The following CREB5 variants were observed in gnomAD, a reference collection of about 807,000 sequenced individuals.
CREB5 encodes the protein cyclic AMP-responsive element-binding protein 5.
A neutral mutation model predicts 57.1 loss-of-function variants in CREB5; 19 were observed. The observed-to-expected ratio is 0.33, with a 90% CI of 0.23 to 0.49. The LOEUF is 0.49. Among genes scored for constraint, CREB5 ranks in the 20% least tolerant of loss-of-function variants. CREB5 has a pLI of 0.99. For missense variants in CREB5, 579 were observed against 671.6 expected (o/e 0.86, Z 1.52); for synonymous variants, 238 against 238.3 (o/e 1.00, Z 0.01).
chr7:28,681,685 A>G (rs1418003258), intron 5 of CREB5, among the ~76,000 whole-genome samples: 3 of 152,222 alleles, frequency 2.0e-5, no homozygotes, highest in Non-Finnish European at 4.4e-5. Flanking sequence ...TATTGCTGGG[A>G]TACAATCTGC....
intron 1 of CREB5, among the ~76,000 whole-genome samples, chr7:28,348,923 C>G (rs1562668681): frequency 6.6e-6 from 1 of 152,236 alleles, no homozygotes; most frequent in Non-Finnish European, 1.5e-5. Flanking sequence ...ATAACCAACC[C>G]TGATTTTGGC....
intron 1 of CREB5, among the ~76,000 whole-genome samples, chr7:28,414,124 A>C (rs1290688484): frequency 6.6e-6 from 1 of 151,614 alleles, no homozygotes. Context: ...ATTTGAGTGG[A>C]CTTATTATTT....
intron 4 of CREB5, among the ~76,000 whole-genome samples, chr7:28,520,095 T>C (rs1246344706): frequency 1.3e-5 from 2 of 152,178 alleles, no homozygotes; most frequent in Non-Finnish European, 2.9e-5. Flanking sequence ...TAAAATACTT[T>C]GTTTAGTTGC....
At chr7:28,809,790 G>A (rs1583798344) in intron 9 of CREB5, among the ~76,000 whole-genome samples, 2 of 152,252 alleles carry the variant, frequency 1.3e-5, no homozygotes, top group South Asian at 4.2e-4. Context: ...GAGTTGTTAC[G>A]TTAGGAGCAA....
intron 4 of CREB5, among the ~76,000 whole-genome samples, chr7:28,560,875 CGTGCGTGCGTGCGTGT>C (rs1795128824): frequency 1.0e-4 from 2 of 19,220 alleles, no homozygotes; most frequent in African/African-American, 3.6e-4. Context: ...CCTGCGTGCG[CGTGCGTGCGTGCGTGT>C]GTGTGCGTGC....
At chr7:28,610,552 A>G (rs781220853) in intron 5 of CREB5, among the ~76,000 whole-genome samples, 3 of 152,196 alleles carry the variant, frequency 2.0e-5, no homozygotes, top group Non-Finnish European at 4.4e-5. Flanking sequence ...ATGAAAACAC[A>G]AGAACTGCAT....
At chr7:28,323,067 C>A (rs895858166) in intron 1 of CREB5, among the ~76,000 whole-genome samples, 3 of 152,174 alleles carry the variant, frequency 2.0e-5, no homozygotes, top group African/African-American at 7.2e-5. Flanking sequence ...TAATACCTCC[C>A]TTAGTGCCCT....
intron 2 of CREB5, among the ~76,000 whole-genome samples, chr7:28,490,602 G>T (rs1342515811): frequency 6.6e-6 from 1 of 152,202 alleles, no homozygotes; most frequent in African/African-American, 2.4e-5. Context: ...AATATTTGGG[G>T]GCTGGATAAT....
chr7:28,542,456 T>G (rs951665496), intron 4 of CREB5, among the ~76,000 whole-genome samples: 83 of 152,194 alleles, frequency 5.5e-4, no homozygotes, highest in African/African-American at 1.9e-3. Flanking sequence ...ACTGGTTGTT[T>G]TGCACCGTCA....
At chr7:28,674,009 T>C (rs1031859828) in intron 5 of CREB5, among the ~76,000 whole-genome samples, 2 of 152,008 alleles carry the variant, frequency 1.3e-5, no homozygotes, top group Non-Finnish European at 2.9e-5. Flanking sequence ...CATATATTTG[T>C]TTAGGTATTA....
chr7:28,778,875 T>C (rs1425178792), intron 7 of CREB5: 1 of 152,222 alleles, frequency 6.6e-6, no homozygotes, highest in Admixed American at 6.5e-5. Flanking sequence ...TATGTTAGGA[T>C]TTAATCACGT....
At chr7:28,725,452 C>T (rs1482791006) in intron 7 of CREB5, among the ~76,000 whole-genome samples, 3 of 152,192 alleles carry the variant, frequency 2.0e-5, no homozygotes, top group East Asian at 3.9e-4. Flanking sequence ...AGAGAGTTCT[C>T]TTTGCTGTGC....
chr7:28,450,654 GCT>G (rs1789749459), intron 1 of CREB5, among the ~76,000 whole-genome samples: 1 of 152,188 alleles, frequency 6.6e-6, no homozygotes, highest in Non-Finnish European at 1.5e-5. Flanking sequence ...TTCACCCCCT[GCT>G]CTCTGTCTGT....
At chr7:28,414,051 A>C (rs1787923474) in intron 1 of CREB5, among the ~76,000 whole-genome samples, 1 of 152,136 alleles carries the variant, frequency 6.6e-6, no homozygotes. Flanking sequence ...CTAGATCACT[A>C]AGATGTGAAC....
intron 7 of CREB5, among the ~76,000 whole-genome samples, chr7:28,801,662 C>T (rs1008498606): frequency 1.3e-5 from 2 of 152,160 alleles, no homozygotes; most frequent in African/African-American, 2.4e-5. Flanking sequence ...ATATAAACAA[C>T]GCATTTGGCT....
At chr7:28,516,527 C>T (rs1311758848) in intron 4 of CREB5, among the ~76,000 whole-genome samples, 1 of 152,224 alleles carries the variant, frequency 6.6e-6, no homozygotes, top group Non-Finnish European at 1.5e-5. Flanking sequence ...GCAGGCACCG[C>T]CCTCAGCTCA....
At chr7:28,563,182 A>G (rs1189725973) in intron 4 of CREB5, among the ~76,000 whole-genome samples, 1 of 152,232 alleles carries the variant, frequency 6.6e-6, no homozygotes. Context: ...TAATATTAAT[A>G]TCAGTCATGG....
intron 4 of CREB5, among the ~76,000 whole-genome samples, chr7:28,559,316 G>T (rs895446824): frequency 6.6e-6 from 1 of 152,078 alleles, no homozygotes; most frequent in African/African-American, 2.4e-5. Flanking sequence ...TTTTTTGTTT[G>T]TTTGTTTGTT....
At chr7:28,360,616 C>T (rs1042577125) in intron 1 of CREB5, among the ~76,000 whole-genome samples, 5 of 152,072 alleles carry the variant, frequency 3.3e-5, no homozygotes, top group African/African-American at 1.2e-4. Flanking sequence ...TTCAGTTAGA[C>T]TGGAGGAATA....
Sources: gnomAD v4.1 joint callset for allele counts (sites outside exome capture counted in the v4.1 genomes callset) on GRCh38, gnomAD v4.1.1 for gene constraint, MANE v1.5 for transcripts, NCBI Gene and HGNC (gene_info 2026-07-23, HGNC 2026-07-21) for gene names.